MED12L: variants seen among roughly 807,000 people sequenced by gnomAD.
The protein encoded by MED12L is mediator of RNA polymerase II transcription subunit 12-like protein.
Under a neutral mutation model 281.3 loss-of-function variants are expected in MED12L, and 60 were observed. The ratio of observed to expected loss-of-function variants is 0.21; its 90% confidence interval spans 0.17 to 0.26. The LOEUF is 0.26. Ranked by LOEUF, MED12L falls within the 10% of genes least tolerant of loss-of-function variation. The pLI, the probability that MED12L is intolerant of heterozygous loss-of-function variation, is 1.00. For synonymous variants in MED12L, 974 were observed against 987.2 expected (o/e 0.99, Z 0.25); for missense variants, 2,146 against 2,680.9 (o/e 0.80, Z 4.41).
rs533981380 is a variant in MED12L, at chr3:151,195,695, G to A, written c.2250+2029G>A. On this transcript the variant is annotated intron_variant, in intron 16 of 44. Transcript: ENST00000687756. ...GGGATTTGTTTTTAAAATATTCTGG[G>A]TAAAAAAGGGAGACAATATTAACGT... Among the ~76,000 whole-genome samples, 13 of 152,196 alleles carry A rather than the reference G, an allele frequency of 8.5e-5. No homozygotes were observed. The South Asian group carries it at 1.7e-3, about 19-fold the overall frequency.
chr3:151,368,111 T>G, intron 24 of MED12L, 39 bp from the exon 25 acceptor site: 1 of 1,495,312 alleles, frequency 6.7e-7, no homozygotes, highest in Non-Finnish European at 9.3e-7. Flanking sequence ...TGTTCCCAAG[T>G]GTGTTAGAAA....
rs538916155 is a variant in MED12L at position 151,275,026 on chromosome 3, C to T, written c.2251-75033C>T. On this transcript the variant is annotated intron_variant, in intron 16 of 44. Transcript: ENST00000687756. ...CCTACCAACCTTTGACCTTAGGGCT[C>T]GACTCACTGGGAAGATCACATCAGC... 2.6e-5 allele frequency among the ~76,000 whole-genome samples: 4 copies of T among 152,238 alleles called. No homozygotes were observed. In the South Asian group the frequency reaches 6.2e-4, roughly 24 times the overall value.
intron 36 of MED12L, among the ~76,000 whole-genome samples, chr3:151,387,246 C>T (rs566230886): frequency 1.5e-3 from 219 of 150,836 alleles, no homozygotes; most frequent in African/African-American, 4.9e-3. Flanking sequence ...AGTTGAAAGA[C>T]TTTACTTATT....
intron 16 of MED12L, among the ~76,000 whole-genome samples, chr3:151,234,131 A>G (rs1340513522): frequency 6.6e-6 from 1 of 152,244 alleles, no homozygotes; most frequent in Non-Finnish European, 1.5e-5. Flanking sequence ...CATGTCCAAG[A>G]ACACTCATAG....
rs139147070 is a variant in MED12L, at chr3:151,344,883, T to C, written c.2251-5176T>C. ...GGATAATACACAGCTCTGATCATCT[T>C]ACCATCATTATGACATCTTTGTCAA... is the stretch of plus-strand genomic sequence containing the variant. On this transcript the variant is annotated intron_variant, in intron 16 of 44. Coordinates refer to ENST00000687756, the MANE Select transcript of MED12L (RefSeq NM_001393769.1). Among the ~76,000 whole-genome samples the C allele has an allele frequency of 6.2e-3, 952 of 152,330 alleles. 13 individuals carry two copies. Among genetic ancestry groups the C allele is most frequent in the African/African-American group, 0.022 (931 of 41,582 alleles).
chr3:151,417,472 C>A (rs1321258863), intron 43 of MED12L, among the ~76,000 whole-genome samples: 2 of 139,722 alleles, frequency 1.4e-5, no homozygotes, highest in Non-Finnish European at 1.5e-5. Context: ...TCCGCTCCCC[C>A]AGCTCCCCCC....
At chr3:151,159,407 G>A (rs1455331837) in intron 7 of MED12L, among the ~76,000 whole-genome samples, 1 of 152,170 alleles carries the variant, frequency 6.6e-6, no homozygotes, top group Admixed American at 6.5e-5. Context: ...GAGATAGTCT[G>A]TACCTGCACT....
At chr3:151,382,477 CAAATA>C (rs1348892700) in intron 32 of MED12L, among the ~76,000 whole-genome samples, 174 bp from the exon 33 acceptor site, 1 of 151,832 alleles carries the variant, frequency 6.6e-6, no homozygotes, top group African/African-American at 2.4e-5. Flanking sequence ...GGCAAATGCA[CAAATA>C]AATAGCCAGA....
At chr3:151,258,096 C>T (rs780620776) in intron 16 of MED12L, among the ~76,000 whole-genome samples, 1 of 152,168 alleles carries the variant, frequency 6.6e-6, no homozygotes, top group Non-Finnish European at 1.5e-5. Flanking sequence ...CTGTGGGTCC[C>T]TGAGTTGCTC....
intron 16 of MED12L, among the ~76,000 whole-genome samples, chr3:151,215,716 T>A (rs1476632285): frequency 6.6e-6 from 1 of 152,204 alleles, no homozygotes; most frequent in Admixed American, 6.5e-5. Flanking sequence ...ACAGTACCAA[T>A]TATCCTGCTT....
chr3:151,332,748 T>TA (rs1043262068), intron 16 of MED12L, among the ~76,000 whole-genome samples: 7 of 150,990 alleles, frequency 4.6e-5, no homozygotes, highest in African/African-American at 1.7e-4. Context: ...ATTTTTTTTT[T>TA]AACTTTATTT....
intron 16 of MED12L, among the ~76,000 whole-genome samples, chr3:151,295,600 G>T (rs149331649): frequency 6.6e-6 from 1 of 152,104 alleles, no homozygotes; most frequent in Non-Finnish European, 1.5e-5. Context: ...GCCAACACAT[G>T]GTTATTGTTT....
intron 16 of MED12L, among the ~76,000 whole-genome samples, chr3:151,197,390 T>C (rs981894171): frequency 6.6e-6 from 1 of 152,106 alleles, no homozygotes; most frequent in Non-Finnish European, 1.5e-5. Context: ...TCTCTAACCC[T>C]TGACCTGAGA....
At chr3:151,325,314 A>G (rs2149842065) in intron 16 of MED12L, among the ~76,000 whole-genome samples, 1 of 152,248 alleles carries the variant, frequency 6.6e-6, no homozygotes, top group African/African-American at 2.4e-5. Flanking sequence ...CTTGAAGGTT[A>G]TTGGGAAGAT....
At chr3:151,399,434 G>T (rs1052248050) in intron 39 of MED12L, among the ~76,000 whole-genome samples, 3 of 152,082 alleles carry the variant, frequency 2.0e-5, no homozygotes, top group South Asian at 4.2e-4. Flanking sequence ...CCATTAATAG[G>T]ATTGGTTTAA....
intron 16 of MED12L, among the ~76,000 whole-genome samples, chr3:151,229,526 T>C (rs1731216080): frequency 1.4e-5 from 2 of 138,580 alleles, no homozygotes; most frequent in Non-Finnish European, 3.0e-5. Flanking sequence ...TCGCCCAGGC[T>C]GGAGTGCAGT....
At chr3:151,142,567 T>C (rs987044698) in intron 5 of MED12L, among the ~76,000 whole-genome samples, 9 of 152,200 alleles carry the variant, frequency 5.9e-5, no homozygotes, top group African/African-American at 9.6e-5. Context: ...CCTCCTTACA[T>C]AGTTTAGAAG....
At chr3:151,171,973 T>G (rs1175965412) in intron 11 of MED12L, among the ~76,000 whole-genome samples, 1 of 152,218 alleles carries the variant, frequency 6.6e-6, no homozygotes, top group Non-Finnish European at 1.5e-5. Flanking sequence ...AATTCATTTT[T>G]TAGACCTCAT....
At chr3:151,269,628 AC>A in intron 16 of MED12L, 1 of 381,478 alleles carries the variant, frequency 2.6e-6, no homozygotes, top group East Asian at 6.8e-5. Context: ...ACAAAGAGGC[AC>A]TGTATTATTT....
Sources: allele counts gnomAD v4.1 joint callset (sites outside exome capture counted in the v4.1 genomes callset), GRCh38; gene constraint gnomAD v4.1.1; transcripts MANE v1.5; gene names NCBI Gene and HGNC (gene_info 2026-07-23, HGNC 2026-07-21).